The following TFDP1 variants were observed in gnomAD, a reference collection of about 807,000 sequenced individuals.
TFDP1 encodes the protein DRTF1-polypeptide 1.
A neutral mutation model predicts 48.0 loss-of-function variants in TFDP1; 6 were observed. The ratio of observed to expected loss-of-function variants is 0.13; its 90% CI spans 0.07 to 0.25. The LOEUF (loss-of-function observed/expected upper bound fraction) is 0.25, where lower values mean the gene tolerates loss of function less well. Ranked by LOEUF, TFDP1 falls within the 10% of genes least tolerant of loss-of-function variation. TFDP1 has a pLI of 1.00. For missense variants in TFDP1, 335 were observed against 543.0 expected, an observed-to-expected ratio of 0.62 and a Z score of 3.81; for synonymous variants, 201 against 211.6, an observed-to-expected ratio of 0.95 and a Z score of 0.44.
rs965881971 is a variant in TFDP1, at chr13:113,627,984, G to T, written c.187-3639G>T. On this transcript the variant is annotated intron_variant, in intron 4 of 11. Transcript: ENST00000375370. This position sits in a 1 kb window ranked among gnomAD's most constrained non-coding sequence, Gnocchi z 4.1. ...TGGTCTCGGGCAAGGTGGACCTCCG[G>T]CAGGTCCTCTACTGTGGGATGCTTC... 2.6e-5 allele frequency among the ~76,000 whole-genome samples: 4 copies of T among 152,156 alleles called. No homozygotes were observed. The highest frequency in any genetic ancestry group is 5.9e-5 in the Non-Finnish European group (4 of 68,046).
chr13:113,639,940 A>C (rs2140676519), intron 11 of TFDP1, among the ~76,000 whole-genome samples, 180 bp from the exon 12 acceptor site: 1 of 152,354 alleles, frequency 6.6e-6, no homozygotes, highest in Non-Finnish European at 1.5e-5. Context: ...ACAGAGATGG[A>C]GTAAGTGCCA....
chr13:113,608,687 C>T (rs1446705660), intron 2 of TFDP1, among the ~76,000 whole-genome samples: 4 of 152,216 alleles, frequency 2.6e-5, no homozygotes, highest in Admixed American at 2.0e-4. Context: ...CTGGCTGACC[C>T]ACCTTGTGTT....
chr13:113,608,548 G>C (rs1313424588), intron 2 of TFDP1, among the ~76,000 whole-genome samples: 3 of 152,172 alleles, frequency 2.0e-5, no homozygotes, highest in South Asian at 2.1e-4. Context: ...ACAGATGCTC[G>C]AGCTGGGCCC....
rs1041101151 is a variant in TFDP1 at position 113,627,682 on chromosome 13, C to A, written c.187-3941C>A. ...AAGCTGGCCGCACAGCCGCCTGAGC[C>A]CTGCCTCCTGTCAGATCCCAGCATT... On this transcript the variant is annotated intron_variant, in intron 4 of 11. Coordinates refer to ENST00000375370, the MANE Select transcript of TFDP1 (RefSeq NM_007111.5). This position sits in a 1 kb window ranked among gnomAD's most constrained non-coding sequence, Gnocchi z 4.1. 6.6e-6 allele frequency among the ~76,000 whole-genome samples: 1 copy of A among 150,944 alleles called. No individual in the cohort carries two copies. Among genetic ancestry groups the A allele is most frequent in the African/African-American group, 2.5e-5 (1 of 40,256 alleles).
At chr13:113,595,158 G>T (rs775970074) in intron 2 of TFDP1, among the ~76,000 whole-genome samples, 1 of 152,082 alleles carries the variant, frequency 6.6e-6, no homozygotes, top group Non-Finnish European at 1.5e-5. Context: ...GTGGGTTAAC[G>T]TGGGAGATAA....
At chr13:113,608,239 G>C (rs550192618) in intron 2 of TFDP1, among the ~76,000 whole-genome samples, 4 of 152,250 alleles carry the variant, frequency 2.6e-5, no homozygotes, top group Non-Finnish European at 5.9e-5. Context: ...TGTGCCACCC[G>C]GGGCAGTGCG....
intron 3 of TFDP1, among the ~76,000 whole-genome samples, chr13:113,618,670 C>A (rs1347312414): frequency 6.6e-6 from 1 of 152,228 alleles, no homozygotes; most frequent in East Asian, 1.9e-4. Flanking sequence ...ACAGCGGCCG[C>A]TGGGACCCGG....
chr13:113,611,746 C>G (rs4150736), intron 3 of TFDP1, among the ~76,000 whole-genome samples: 4,085 of 152,334 alleles, frequency 0.027, 173 homozygotes, highest in African/African-American at 0.093. Flanking sequence ...ATGTGCGATG[C>G]TTGGCCCCTC....
At chr13:113,595,677 T>G (rs546035149) in intron 2 of TFDP1, among the ~76,000 whole-genome samples, 1 of 152,376 alleles carries the variant, frequency 6.6e-6, no homozygotes, top group Non-Finnish European at 1.5e-5. Flanking sequence ...CCTGTGCGCG[T>G]GCATGTCTGT....
intron 10 of TFDP1, 25 bp downstream of exon 10, chr13:113,636,725 C>G (rs754649156): frequency 6.2e-7 from 1 of 1,606,564 alleles, no homozygotes. Flanking sequence ...GACAACCTGG[C>G]GTGGCTGTGT....
chr13:113,612,153 G>A (rs549308764), intron 3 of TFDP1, among the ~76,000 whole-genome samples: 4 of 152,306 alleles, frequency 2.6e-5, no homozygotes, highest in South Asian at 2.1e-4. Flanking sequence ...CTTGCCACCC[G>A]TCCCTTTCTG....
intron 2 of TFDP1, among the ~76,000 whole-genome samples, chr13:113,605,668 G>A (rs2048545541): frequency 6.6e-6 from 1 of 152,236 alleles, no homozygotes; most frequent in South Asian, 2.1e-4. Flanking sequence ...CCACCTCAGG[G>A]CCGCTTGAGT....
rs920211731 is a variant in TFDP1 at position 113,631,497 on chromosome 13, C to T, written c.187-126C>T. 19 of 1,254,878 alleles carry T rather than the reference C, an allele frequency of 1.5e-5. No homozygotes were observed. In the Admixed American group the frequency reaches 3.2e-4, roughly 21 times the overall value. 77.7% of individuals were successfully genotyped at this position (1,254,878 alleles called of 1,614,324 possible). Reference sequence around the variant, plus strand: ...CCACCGCTGGACGTTTTTCCTGCTCCGTCATGGCTGCTCACTGTGGTTAAG... The same window carrying T: ...CCACCGCTGGACGTTTTTCCTGCTCTGTCATGGCTGCTCACTGTGGTTAAG... On this transcript the variant is annotated intron_variant, in intron 4 of 11. Coordinates refer to ENST00000375370, the MANE Select transcript of TFDP1 (RefSeq NM_007111.5).
Position 113,627,324 on chromosome 13 carries a change from C to T in TFDP1, c.186+4038C>T, listed in dbSNP as rs189000260. On this transcript the variant is annotated intron_variant, in intron 4 of 11. Transcript: ENST00000375370. This position sits in a 1 kb window ranked among gnomAD's most constrained non-coding sequence, Gnocchi z 4.1. ...CTCAGCACGCGCACAGGAACGTGTG[C>T]GGGACAGAGGACATATGTGCTCAGC... Among the ~76,000 whole-genome samples, 2 of 152,228 alleles carry T rather than the reference C, an allele frequency of 1.3e-5. No homozygotes were observed. The highest frequency in any genetic ancestry group is 1.9e-4 in the East Asian group (1 of 5,174).
At chr13:113,615,019 AC>A (rs2048822847) in intron 3 of TFDP1, among the ~76,000 whole-genome samples, 2 of 152,260 alleles carry the variant, frequency 1.3e-5, no homozygotes, top group East Asian at 1.9e-4. Flanking sequence ...TCAGGTTGAC[AC>A]GTAAAACTGA....
intron 11 of TFDP1, among the ~76,000 whole-genome samples, chr13:113,639,127 G>A (rs1381194942): frequency 6.6e-6 from 1 of 152,232 alleles, no homozygotes; most frequent in African/African-American, 2.4e-5. Context: ...TGGAAGAAAG[G>A]ACTTTGGTGA....
At chr13:113,614,191 G>C (rs370945467) in intron 3 of TFDP1, among the ~76,000 whole-genome samples, 7 of 151,890 alleles carry the variant, frequency 4.6e-5, no homozygotes, top group African/African-American at 1.7e-4. Context: ...TGAGTTGTAT[G>C]TGTGTGTTGT....
At chr13:113,593,029 C>A (rs557652941) in intron 2 of TFDP1, among the ~76,000 whole-genome samples, 1 of 108,234 alleles carries the variant, frequency 9.2e-6, no homozygotes, top group African/African-American at 3.7e-5. Flanking sequence ...AGGTGTCAGG[C>A]GTGATGCGTG....
At chr13:113,608,494 C>T (rs2048624902) in intron 2 of TFDP1, among the ~76,000 whole-genome samples, 1 of 152,226 alleles carries the variant, frequency 6.6e-6, no homozygotes. Flanking sequence ...GCAGGGCTTC[C>T]TCCAGCTCCA....
Sources: gnomAD v4.1 joint callset for allele counts (sites outside exome capture counted in the v4.1 genomes callset) on GRCh38, gnomAD v4.1.1 for gene constraint, Gnocchi (gnomAD v3.1) non-coding constraint, MANE v1.5 for transcripts, NCBI Gene and HGNC (gene_info 2026-07-23, HGNC 2026-07-21) for gene names.